PLXNB1: variants seen among roughly 807,000 people sequenced by gnomAD.
The protein encoded by PLXNB1 is plexin-B1.
PLXNB1 carries 106 observed loss-of-function variants against 209.4 expected under a neutral mutation model. The ratio of observed to expected loss-of-function variants is 0.51; its 90% confidence interval spans 0.43 to 0.59. The LOEUF is 0.59. PLXNB1 is among the 20% of genes least tolerant of loss of function. PLXNB1 has a pLI of 0.00. For missense variants in PLXNB1, 2,357 were observed against 2,853.2 expected (o/e 0.83, Z 3.96); for synonymous variants, 1,167 against 1,183.2 (o/e 0.99, Z 0.28).
Position 48,429,240 on chromosome 3 carries a change from G to A in PLXNB1, c.-60+768C>T, listed in dbSNP as rs1031045620. 6.6e-6 allele frequency: 1 copy of A among 151,898 alleles called. No homozygotes were observed. Among genetic ancestry groups the A allele is most frequent in the Non-Finnish European group, 1.5e-5 (1 of 67,960 alleles). The allele number at this position is 151,898 out of a possible 1,614,324, so 9.4% of individuals were successfully genotyped here. ...CCGTTCCTCGCCGCCCTGGCCCCGA[G>A]CCCCGCACTCACCACCCGGCCGGGC... On this transcript the variant is annotated intron_variant, in intron 1 of 37. Coordinates refer to ENST00000296440, the MANE Select transcript of PLXNB1 (RefSeq NM_001130082.3). The surrounding 1 kb of genome is among the most constrained non-coding windows in gnomAD (Gnocchi z 6.4).
chr3:48,412,719 C>A lies in PLXNB1; in HGVS notation c.4854+23G>T, dbSNP rs537316560. On this transcript the variant is annotated intron_variant, in intron 25 of 37. Coordinates refer to ENST00000296440, the MANE Select transcript of PLXNB1 (RefSeq NM_001130082.3). ...AGAAGGGGCAGGGCCAGGGGCAGGC[C>A]AGGAAGATGCAGCTGGGGGTACCTT... 169 of 1,610,034 alleles carry A rather than the reference C, an allele frequency of 1.0e-4. 1 individual carries two copies. In the East Asian group the frequency reaches 3.7e-3, roughly 35 times the overall value.
chr3:48,427,043 A>G (rs1037856772), intron 1 of PLXNB1, among the ~76,000 whole-genome samples: 4 of 152,174 alleles, frequency 2.6e-5, no homozygotes, highest in Non-Finnish European at 4.4e-5. Context: ...TCACTCCTAC[A>G]TGCTTACAAA....
rs761110059 is a variant in PLXNB1 at position 48,411,350 on chromosome 3, C to T, written c.5248-314G>A. 9.9e-5 allele frequency among the ~76,000 whole-genome samples: 15 copies of T among 152,198 alleles called. No individual in the cohort carries two copies. Among genetic ancestry groups the T allele is most frequent in the Non-Finnish European group, 1.6e-4 (11 of 68,036 alleles). On this transcript the variant is annotated intron_variant, in intron 28 of 37. Transcript: ENST00000296440. The surrounding 1 kb of genome is among the most constrained non-coding windows in gnomAD (Gnocchi z 4.0). The stretch of plus-strand genomic sequence containing the variant: ...TGAATGGGTCAGGCTGACGGAGTTT[C>T]GGGAAGCCTGCATTCCCACCATCGG...
chr3:48,417,242 C>T lies in PLXNB1; in HGVS notation c.3374+669G>A, dbSNP rs2038160349. Among the ~76,000 whole-genome samples, 1 of 152,226 alleles carries T rather than the reference C, an allele frequency of 6.6e-6. No individual in the cohort carries two copies. The highest frequency in any genetic ancestry group is 6.5e-5 in the Admixed American group (1 of 15,288). On this transcript the variant is annotated intron_variant, in intron 16 of 37. Transcript: ENST00000296440. The surrounding 1 kb of genome is among the most constrained non-coding windows in gnomAD (Gnocchi z 4.4). ...TCAAATACAGATTTGGGGGCCCCAC[C>T]GTGGGCCTCCTGAATCCAGATGTTT...
chr3:48,418,994 C>G lies in PLXNB1; in HGVS notation c.2878G>C (p.Glu960Gln). The change falls in exon 13 of 38, where the codon GAG (glutamate) becomes CAG (glutamine). Residue 960 changes from glutamate to glutamine, a missense_variant. By Grantham distance (29) the Glu-to-Gln change is conservative (BLOSUM62 2). This residue lies in a region of PLXNB1 where 410 missense variants were observed against 401.0 expected (regional missense o/e 1.02). Transcript: ENST00000296440. The surrounding 1 kb of genome is among the most constrained non-coding windows in gnomAD (Gnocchi z 6.6). ...TCGACCCGGGCCTCAACCACCACCTCGAGGCCCTCCAGCTCCATCACACAC... is the reference window on the plus strand; with the variant it reads ...TCGACCCGGGCCTCAACCACCACCTGGAGGCCCTCCAGCTCCATCACACAC... ...NECVMELEGL[E>Q]VVVEARVECE... The G allele has an allele frequency of 6.2e-7, 1 of 1,614,044 alleles. No individual in the cohort carries two copies. Among genetic ancestry groups the G allele is most frequent in the Non-Finnish European group, 8.5e-7 (1 of 1,179,968 alleles).
chr3:48,415,245 C>A lies in PLXNB1; in HGVS notation c.3897G>T (p.Gly1299=), dbSNP rs758240378. 19 of 1,613,440 alleles carry A rather than the reference C, an allele frequency of 1.2e-5. No homozygotes were observed. The highest frequency in any genetic ancestry group is 3.4e-6 in the Non-Finnish European group (4 of 1,180,038). The change falls in exon 20 of 38, where the codon GGG becomes GGT. Residue 1299 remains glycine, a synonymous_variant. Transcript: ENST00000296440. The surrounding 1 kb of genome is among the most constrained non-coding windows in gnomAD (Gnocchi z 5.0). ...VVSRMLQPSQ[G]LGRRRRVVPE... is the part of the protein sequence containing the mutation. ...GGACCACGCGACGCCTCCGTCCAAG[C>A]CCCTGGCTGGGCTGCAGCATTCTCG...
rs780380203 is a variant in PLXNB1, at chr3:48,411,036, T to C, written c.5248A>G (p.Thr1750Ala). 4.3e-6 allele frequency: 7 copies of C among 1,612,832 alleles called. No homozygotes were observed. The highest frequency in any genetic ancestry group is 5.9e-6 in the Non-Finnish European group (7 of 1,179,548). ...LREDVEYRPLTLNALLAVGPG... is the reference protein window; with the variant it reads ...LREDVEYRPLALNALLAVGPG... ...CCCACAGCCAATAGTGCATTCAAGGTCTGTGCAGGACACACAGGAGCCATC... is the reference window on the plus strand; with the variant it reads ...CCCACAGCCAATAGTGCATTCAAGGCCTGTGCAGGACACACAGGAGCCATC... The change falls in exon 29 of 38, where the codon ACC becomes GCC. Residue 1750 changes from threonine (T) to alanine (A), a missense_variant and splice_region_variant. By Grantham distance (58) the Thr-to-Ala change is moderately conservative. This residue lies in a region of PLXNB1 where 414 missense variants were observed against 520.5 expected (regional missense o/e 0.80). Coordinates refer to ENST00000296440, the MANE Select transcript of PLXNB1 (RefSeq NM_001130082.3). This position sits in a 1 kb window ranked among gnomAD's most constrained non-coding sequence, Gnocchi z 4.0.
At chr3:48,422,000 A>C (rs1021885021) in intron 6 of PLXNB1, 105 bp downstream of exon 6, 3 of 1,281,286 alleles carry the variant, frequency 2.3e-6, no homozygotes, top group Admixed American at 1.8e-5. Flanking sequence ...TCTGGGGATC[A>C]GGGGTTGAGA....
At position 48,424,049 on chromosome 3, in the gene PLXNB1, G is replaced by A; in HGVS notation, c.563C>T (p.Ala188Val). 3 of 1,595,312 alleles carry A rather than the reference G, an allele frequency of 1.9e-6. No homozygotes were observed. The highest frequency in any genetic ancestry group is 1.7e-4 in the Middle Eastern group (1 of 5,774). Residue 188 changes from alanine (A) to valine (V), a missense_variant, in exon 3 of 38, where the codon GCC becomes GTC. By Grantham distance (64) the Ala-to-Val change is moderately conservative. Coordinates refer to ENST00000296440, the MANE Select transcript of PLXNB1 (RefSeq NM_001130082.3). ...AGCTTGGGGGTCGGGCGGCCACAGGGCCCGGGTTGTGATGGGTGGAATGCC... is the reference window on the plus strand; with the variant it reads ...AGCTTGGGGGTCGGGCGGCCACAGGACCCGGGTTGTGATGGGTGGAATGCC... ...GGGIPPITTR[A>V]LWPPDPQAAF... is the part of the protein sequence containing the mutation.
rs1032897886 is a variant in PLXNB1 at position 48,419,938 on chromosome 3, G to C, written c.2348C>G (p.Thr783Arg). 1.3e-6 allele frequency: 2 copies of C among 1,572,334 alleles called. No individual in the cohort carries two copies. The highest frequency in any genetic ancestry group is 2.7e-5 in the African/African-American group (2 of 74,090). ...CGGGGAGGCCAAGAGGTCCTCAGGTGTGGCTGAGGGTCTGAAGTCAGTGGG... is the reference window on the plus strand; with the variant it reads ...CGGGGAGGCCAAGAGGTCCTCAGGTCTGGCTGAGGGTCTGAAGTCAGTGGG... The part of the protein sequence containing the change: ...PAPTDFRPSA[T>R]PEDLLASPLS... The change falls in exon 11 of 38, where the codon ACA (threonine) becomes AGA (arginine). Residue 783 changes from threonine (T) to arginine (R), a missense_variant. Thr to Arg is a moderately conservative substitution (Grantham distance 71, BLOSUM62 -1). Coordinates refer to ENST00000296440, the MANE Select transcript of PLXNB1 (RefSeq NM_001130082.3). This position sits in a 1 kb window ranked among gnomAD's most constrained non-coding sequence, Gnocchi z 5.7.
At position 48,424,216 on chromosome 3, in the gene PLXNB1, C is replaced by T. The variant is rs200183536; in HGVS notation, c.396G>A (p.Leu132=). The change falls in exon 3 of 38, where the codon CTG becomes CTA. Residue 132 remains leucine, a synonymous_variant. Coordinates refer to ENST00000296440, the MANE Select transcript of PLXNB1 (RefSeq NM_001130082.3). ...RRLGQLEQLL[L]RPERPGDTQY... is the part of the protein sequence containing the mutation. ...GTGTGTCCCCAGGCCGCTCTGGCCG[C>T]AGCAGCAGCTGCTCGAGCTGCCCCA... 24 of 1,600,876 alleles carry T rather than the reference C, an allele frequency of 1.5e-5. No individual in the cohort carries two copies. In the East Asian group the frequency reaches 4.7e-4, roughly 32 times the overall value.
In PLXNB1 at chr3:48,406,075, G is replaced by A. The variant is rs1321425631; in HGVS notation, c.6229-277C>T. ...AGCAAGGTCTGGGGTTTCCACTGAA[G>A]CCCTGCCTCTCTCACCCCCTTGAGG... On this transcript the variant is annotated intron_variant, in intron 36 of 37. Transcript: ENST00000296440. This position sits in a 1 kb window ranked among gnomAD's most constrained non-coding sequence, Gnocchi z 4.4. 5.3e-6 allele frequency: 2 copies of A among 377,912 alleles called. No homozygotes were observed. The highest frequency in any genetic ancestry group is 1.2e-4 in the East Asian group (2 of 16,478). 23.4% of individuals were successfully genotyped at this position (377,912 alleles called of 1,614,324 possible).
chr3:48,424,736 G>T, intron 2 of PLXNB1, 119 bp from the exon 3 acceptor site: 1 of 1,050,814 alleles, frequency 9.5e-7, no homozygotes, highest in Non-Finnish European at 1.3e-6. Context: ...TAGGGGGTGA[G>T]CAGAGGAGGA....
In PLXNB1 at chr3:48,413,512, G is replaced by A; in HGVS notation, c.4535+158C>T. On this transcript the variant is annotated intron_variant, in intron 23 of 37. Coordinates refer to ENST00000296440, the MANE Select transcript of PLXNB1 (RefSeq NM_001130082.3). The surrounding 1 kb of genome is among the most constrained non-coding windows in gnomAD (Gnocchi z 5.4). ...GCCTTTGTGCCACAGTGGCAAAGCTGAGTTGTTGAACAGAGACCACTTGGC... is the reference window on the plus strand; with the variant it reads ...GCCTTTGTGCCACAGTGGCAAAGCTAAGTTGTTGAACAGAGACCACTTGGC... The A allele has an allele frequency of 1.4e-6, 1 of 736,828 alleles. No individual in the cohort carries two copies. Among genetic ancestry groups the A allele is most frequent in the Non-Finnish European group, 2.2e-6 (1 of 462,356 alleles). 45.6% of individuals were successfully genotyped at this position (736,828 alleles called of 1,614,324 possible).
rs1284881856 is a variant in PLXNB1, at chr3:48,422,354, G to A, written c.1396C>T (p.Leu466=). The part of the protein sequence containing the change: ...DLTFDGTFEH[L]YVMTQSTLLK... ...ACTGTGCTCTGGGTCATGACATACAGGTGCTCAAAGGTCCCATCAAAGGTG... is the reference window on the plus strand; with the variant it reads ...ACTGTGCTCTGGGTCATGACATACAAGTGCTCAAAGGTCCCATCAAAGGTG... Residue 466 remains leucine (L), a synonymous_variant, in exon 5 of 38, where the codon CTG becomes TTG. Transcript: ENST00000296440. 6 of 1,610,174 alleles carry A rather than the reference G, an allele frequency of 3.7e-6. No homozygotes were observed. The highest frequency in any genetic ancestry group is 1.7e-5 in the Admixed American group (1 of 59,392).
Position 48,418,965 on chromosome 3 carries a change from ACACT to A in PLXNB1, c.2903_2906del (p.Glu968ValfsTer84). ...GGCACTGGGTATCTGGAGGTGGCTC[ACACT>A]CGACCCGGGCCTCAACCACCACCTC... is the stretch of plus-strand genomic sequence containing the variant. On this transcript the variant is annotated frameshift_variant, in exon 13 of 38. Coordinates refer to ENST00000296440, the MANE Select transcript of PLXNB1 (RefSeq NM_001130082.3). LOFTEE classifies it high-confidence loss of function. The surrounding 1 kb of genome is among the most constrained non-coding windows in gnomAD (Gnocchi z 6.6). The A allele has an allele frequency of 6.2e-7, 1 of 1,614,034 alleles. No homozygotes were observed. Among genetic ancestry groups the A allele is most frequent in the Non-Finnish European group, 8.5e-7 (1 of 1,179,996 alleles).
rs765428171 is a variant in PLXNB1, at chr3:48,407,020, C to A, written c.6152+7G>T. The A allele has an allele frequency of 5.0e-6, 8 of 1,613,898 alleles. No homozygotes were observed. The highest frequency in any genetic ancestry group is 6.8e-6 in the Non-Finnish European group (8 of 1,179,920). On this transcript the variant is annotated splice_region_variant and intron_variant, in intron 35 of 37. Coordinates refer to ENST00000296440, the MANE Select transcript of PLXNB1 (RefSeq NM_001130082.3). ...CTCCAACCTCTACCCACCGTGCCCTCCAGTACCTTTCCACCATCCGCTTGT... is the reference window on the plus strand; with the variant it reads ...CTCCAACCTCTACCCACCGTGCCCTACAGTACCTTTCCACCATCCGCTTGT...
chr3:48,423,748 C>G lies in PLXNB1; in HGVS notation c.864G>C (p.Ala288=), dbSNP rs758795276. 1 of 1,613,870 alleles carries G rather than the reference C, an allele frequency of 6.2e-7. No individual in the cohort carries two copies. Among genetic ancestry groups the G allele is most frequent in the Non-Finnish European group, 8.5e-7 (1 of 1,179,944 alleles). Reference sequence around the variant, plus strand: ...AAGCTGCAAAGAGCACCTCCCCATGCGCCACCTCCCTGGACGTGGCCACAG... The same window carrying G: ...AAGCTGCAAAGAGCACCTCCCCATGGGCCACCTCCCTGGACGTGGCCACAG... ...AAAVATSREV[A]HGEVLFAAFS... The change falls in exon 3 of 38, where the codon GCG becomes GCC. Residue 288 remains alanine, a synonymous_variant. Coordinates refer to ENST00000296440, the MANE Select transcript of PLXNB1 (RefSeq NM_001130082.3).
chr3:48,420,165 G>T lies in PLXNB1; in HGVS notation c.2121C>A (p.Asp707Glu), dbSNP rs778565009. Residue 707 changes from aspartate (D) to glutamate (E), a missense_variant, in exon 11 of 38, where the codon GAC (aspartate) becomes GAA (glutamate). Asp to Glu is a conservative substitution (Grantham distance 45). Transcript: ENST00000296440. ...GAGCCCCAGGCTCCACGGGAAGGGT[G>T]TCAGGAGCAGGGGTGGCCAGGGCTT... The part of the protein sequence containing the change: ...APKALATPAP[D>E]TLPVEPGAPS... The T allele has an allele frequency of 6.3e-7, 1 of 1,582,324 alleles. No individual in the cohort carries two copies. Among genetic ancestry groups the T allele is most frequent in the South Asian group, 1.1e-5 (1 of 88,918 alleles).
Sources: gnomAD v4.1 joint callset for allele counts (sites outside exome capture counted in the v4.1 genomes callset) on GRCh38, gnomAD v4.1.1 for gene constraint, gnomAD v4.1.1 regional missense constraint, Gnocchi (gnomAD v3.1) non-coding constraint, MANE v1.5 for transcripts, NCBI Gene and HGNC (gene_info 2026-07-23, HGNC 2026-07-21) for gene names.